Variants in PPM1B observed in about 807,000 individuals in gnomAD.
PPM1B encodes protein phosphatase, Mg2+/Mn2+ dependent 1B.
A neutral mutation model predicts 43.0 loss-of-function variants in PPM1B; 22 were observed. The ratio of observed to expected loss-of-function variants is 0.51; its 90% CI spans 0.37 to 0.73. The LOEUF (loss-of-function observed/expected upper bound fraction) is 0.73. Ranked by LOEUF, PPM1B falls within the 30% of genes least tolerant of loss-of-function variation. The pLI, the probability that PPM1B is intolerant of heterozygous loss-of-function variation, is 0.00. For missense variants in PPM1B, 632 were observed against 584.2 expected, an observed-to-expected ratio of 1.08 and a Z score of -0.84; for synonymous variants, 217 against 197.9, an observed-to-expected ratio of 1.10 and a Z score of -0.81.
chr2:44,239,351 C>A (rs943575197), downstream of PPM1B, among the ~76,000 whole-genome samples: 9 of 151,974 alleles, frequency 5.9e-5, no homozygotes, highest in Non-Finnish European at 1.3e-4. Flanking sequence ...TTGGGTTTGT[C>A]TTTTTCTAAT....
intron 2 of PPM1B, among the ~76,000 whole-genome samples, chr2:44,206,305 A>G (rs1256294094): frequency 4.6e-5 from 7 of 152,236 alleles, no homozygotes; most frequent in Non-Finnish European, 4.4e-5. Context: ...CTAAAAAACA[A>G]TGGCACAAAG....
At chr2:44,192,362 C>G (rs1253639011) in intron 1 of PPM1B, among the ~76,000 whole-genome samples, 1 of 151,896 alleles carries the variant, frequency 6.6e-6, no homozygotes, top group African/African-American at 2.4e-5. Context: ...GGATTACAGC[C>G]CACAAACCAT....
At chr2:44,237,353 G>A (rs993529790), downstream of PPM1B, among the ~76,000 whole-genome samples, 5 of 152,166 alleles carry the variant, frequency 3.3e-5, no homozygotes, top group African/African-American at 9.7e-5. Context: ...TGCTTTTCAG[G>A]CAGCATCACC....
intron 5 of PPM1B, chr2:44,229,965 TTA>T: frequency 6.5e-7 from 1 of 1,531,718 alleles, no homozygotes; most frequent in Non-Finnish European, 8.9e-7. Flanking sequence ...CTATATAGTT[TTA>T]TGTTTTGTAT....
At chr2:44,189,132 A>G (rs945069382) in intron 1 of PPM1B, among the ~76,000 whole-genome samples, 3 of 152,130 alleles carry the variant, frequency 2.0e-5, no homozygotes, top group Non-Finnish European at 4.4e-5. Context: ...TCAGCCTCCC[A>G]AAGTGGTGGG....
At chr2:44,223,959 A>G (rs1670097309) in intron 5 of PPM1B, among the ~76,000 whole-genome samples, 1 of 151,668 alleles carries the variant, frequency 6.6e-6, no homozygotes, top group Non-Finnish European at 1.5e-5. Flanking sequence ...GTCTAAAATT[A>G]TTCATTAAAT....
intron 2 of PPM1B, among the ~76,000 whole-genome samples, chr2:44,205,317 G>C (rs1013809168): frequency 1.3e-5 from 2 of 151,090 alleles, no homozygotes; most frequent in African/African-American, 4.9e-5. Context: ...AGAAGGGCCT[G>C]ATAAAATAAA....
At chr2:44,234,630 G>C (rs940962191), downstream of PPM1B, 4 of 984,820 alleles carry the variant, frequency 4.1e-6, no homozygotes, top group African/African-American at 7.0e-5. Context: ...CCCATATTCA[G>C]TGTTGACTCA....
intron 5 of PPM1B, among the ~76,000 whole-genome samples, chr2:44,221,294 AC>A (rs1669967852): frequency 6.6e-6 from 1 of 152,222 alleles, no homozygotes; most frequent in African/African-American, 2.4e-5. Flanking sequence ...TATGCCTTTC[AC>A]AATAATCACT....
downstream of PPM1B, among the ~76,000 whole-genome samples, chr2:44,236,871 A>C (rs1256871296): frequency 6.6e-6 from 1 of 152,228 alleles, no homozygotes; most frequent in Admixed American, 6.5e-5. Flanking sequence ...TTAAGTATTA[A>C]GGGAAAACGT....
chr2:44,181,933 AAAAGAAT>A lies in PPM1B; in HGVS notation c.-15+12673_-15+12679del, dbSNP rs533562569. On this transcript the variant is annotated intron_variant, in intron 1 of 5. Coordinates refer to ENST00000282412, the MANE Select transcript of PPM1B (RefSeq NM_002706.6). ...CTTCCCTTTTTCAGAGGGTACAGAA[AAAAGAAT>A]AAAGAATAAAGAAAAAAGAATAAAG... 1.2e-3 allele frequency among the ~76,000 whole-genome samples: 187 copies of A among 152,340 alleles called. 1 individual carries two copies. The highest frequency in any genetic ancestry group is 1.6e-3 in the Non-Finnish European group (107 of 68,030).
intron 5 of PPM1B, among the ~76,000 whole-genome samples, chr2:44,223,124 A>G (rs964439643): frequency 2.0e-5 from 3 of 152,126 alleles, no homozygotes; most frequent in African/African-American, 7.2e-5. Context: ...GAGCCACTGC[A>G]TCCAACCACA....
In PPM1B at chr2:44,201,727, A is replaced by G; in HGVS notation, c.528A>G (p.Glu176=). The G allele has an allele frequency of 1.2e-6, 2 of 1,614,236 alleles. No homozygotes were observed. Among genetic ancestry groups the G allele is most frequent in the Non-Finnish European group, 1.7e-6 (2 of 1,180,036 alleles). Residue 176 remains glutamate (E), a synonymous_variant, in exon 2 of 6, where the codon GAA becomes GAG. Transcript: ENST00000282412. This position sits in a 1 kb window ranked among gnomAD's most constrained non-coding sequence, Gnocchi z 5.4. ...ATCACAAACCTTGCAATCCAAGGGAAAAGGAGCGAATCCAAAATGCAGGAG... is the reference window on the plus strand; with the variant it reads ...ATCACAAACCTTGCAATCCAAGGGAGAAGGAGCGAATCCAAAATGCAGGAG... ...TQDHKPCNPR[E]KERIQNAGGS... is the part of the protein sequence containing the mutation.
chr2:44,222,233 C>G (rs1182958485), intron 5 of PPM1B, among the ~76,000 whole-genome samples: 2 of 151,846 alleles, frequency 1.3e-5, no homozygotes, highest in African/African-American at 4.8e-5. Flanking sequence ...GTCTATAGTC[C>G]AAGCACAATC....
chr2:44,233,144 T>A (rs1000563258), downstream of PPM1B: 1 of 972,070 alleles, frequency 1.0e-6, no homozygotes. Context: ...ATTTTTGTTT[T>A]ACATGTGGGT....
intron 3 of PPM1B, among the ~76,000 whole-genome samples, chr2:44,214,813 A>ACT (rs1390671590): frequency 6.6e-6 from 1 of 152,186 alleles, no homozygotes; most frequent in Non-Finnish European, 1.5e-5. Context: ...GTCAGAAAGA[A>ACT]CTCAAGAGTC....
chr2:44,245,173 G>A (rs1245767535), downstream of PPM1B, among the ~76,000 whole-genome samples: 1 of 152,128 alleles, frequency 6.6e-6, no homozygotes, highest in Non-Finnish European at 1.5e-5. Flanking sequence ...CTCTTTGAAT[G>A]ATTTGTGGTT....
intron 1 of PPM1B, among the ~76,000 whole-genome samples, chr2:44,186,631 T>C: frequency 6.6e-6 from 1 of 152,232 alleles, no homozygotes; most frequent in Non-Finnish European, 1.5e-5. Context: ...CGCCTGAGCC[T>C]CCCAAACTGC....
chr2:44,238,633 C>T (rs1243450161), downstream of PPM1B, among the ~76,000 whole-genome samples: 1 of 151,510 alleles, frequency 6.6e-6, no homozygotes, highest in Non-Finnish European at 1.5e-5. Flanking sequence ...ACCTGGGAGG[C>T]GGAGGTTGCA....
Sources: allele counts gnomAD v4.1 joint callset (sites outside exome capture counted in the v4.1 genomes callset), GRCh38; gene constraint gnomAD v4.1.1; non-coding constraint Gnocchi (gnomAD v3.1); transcripts MANE v1.5; gene names NCBI Gene and HGNC (gene_info 2026-07-23, HGNC 2026-07-21).